Variants in PDE4D observed in about 807,000 individuals in gnomAD.
PDE4D encodes the protein phosphodiesterase 4D, also known as 3',5'-cyclic-AMP phosphodiesterase 4D.
A neutral mutation model predicts 87.4 loss-of-function variants in PDE4D; 24 were observed. The ratio of observed to expected loss-of-function variants is 0.27; its 90% CI spans 0.20 to 0.39. The LOEUF is 0.39. Ranked by LOEUF, PDE4D falls within the 10% of genes least tolerant of loss-of-function variation. The pLI, the probability that PDE4D is intolerant of heterozygous loss-of-function variation, is 1.00. For missense variants in PDE4D, 714 were observed against 1,041.0 expected (o/e 0.69, Z 4.32); for synonymous variants, 384 against 383.2 (o/e 1.00, Z -0.02).
chr5:59,035,546 A>G (rs1180870291), intron 6 of PDE4D, among the ~76,000 whole-genome samples: 2 of 152,206 alleles, frequency 1.3e-5, no homozygotes, highest in Non-Finnish European at 2.9e-5. Flanking sequence ...AATAATAGCA[A>G]TAACAACAGA....
chr5:59,200,078 C>CACATGTATGTAG (rs1561688475), intron 2 of PDE4D, among the ~76,000 whole-genome samples: 1 of 150,144 alleles, frequency 6.7e-6, no homozygotes, highest in African/African-American at 2.5e-5. Flanking sequence ...CACGTATGCA[C>CACATGTATGTAG]ACATACATGT....
intron 1 of PDE4D, among the ~76,000 whole-genome samples, chr5:60,444,871 T>C (rs541005147): frequency 2.0e-5 from 3 of 148,648 alleles, no homozygotes; most frequent in Middle Eastern, 3.4e-3. Context: ...TTTGGAGTCA[T>C]GGCTCTTTCA....
At chr5:59,463,773 A>G (rs1472644301) in intron 1 of PDE4D, among the ~76,000 whole-genome samples, 1 of 152,210 alleles carries the variant, frequency 6.6e-6, no homozygotes, top group Non-Finnish European at 1.5e-5. Context: ...TTAGAATATT[A>G]AAAGATCTCG....
intron 3 of PDE4D, among the ~76,000 whole-genome samples, chr5:59,192,392 G>C (rs1191922298): frequency 1.3e-5 from 2 of 152,084 alleles, no homozygotes; most frequent in Non-Finnish European, 2.9e-5. Context: ...GGTACTCTTG[G>C]AACTGTTATT....
intron 1 of PDE4D, among the ~76,000 whole-genome samples, chr5:59,717,745 T>C (rs1293541227): frequency 6.6e-6 from 1 of 152,186 alleles, no homozygotes; most frequent in Non-Finnish European, 1.5e-5. Flanking sequence ...GACAAGCCCT[T>C]GACAAAACAA....
intron 1 of PDE4D, among the ~76,000 whole-genome samples, chr5:59,553,470 G>T (rs1412038768): frequency 6.6e-6 from 1 of 152,064 alleles, no homozygotes; most frequent in Non-Finnish European, 1.5e-5. Flanking sequence ...AGTGAGCAGG[G>T]CTCCCCTTCC....
chr5:59,539,494 T>C (rs1815906185), intron 1 of PDE4D, among the ~76,000 whole-genome samples: 1 of 152,186 alleles, frequency 6.6e-6, no homozygotes, highest in African/African-American at 2.4e-5. Context: ...AAATTACTAA[T>C]ATCTGTCTAC....
chr5:59,141,525 C>T (rs1777884190), intron 5 of PDE4D, among the ~76,000 whole-genome samples: 1 of 152,108 alleles, frequency 6.6e-6, no homozygotes, highest in African/African-American at 2.4e-5. Flanking sequence ...TGGTTAAGAG[C>T]CAACCAGGTG....
rs550889708 is a variant in PDE4D, at chr5:60,397,125, T to A, written c.-90+90817A>T. On this transcript the variant is annotated intron_variant, in intron 1 of 16. Transcript: ENST00000502484. The stretch of plus-strand genomic sequence containing the variant: ...CTCATATCTGTTAAAACAGCTATCA[T>A]CAAAAGACAAAAGTTAGCAAGTGTT... 8.4e-4 allele frequency among the ~76,000 whole-genome samples: 128 copies of A among 152,230 alleles called. 2 individuals carry two copies. In the South Asian group the frequency reaches 0.026, roughly 30 times the overall value.
intron 1 of PDE4D, among the ~76,000 whole-genome samples, chr5:59,697,755 G>C (rs1751990734): frequency 6.6e-6 from 1 of 152,176 alleles, no homozygotes; most frequent in South Asian, 2.1e-4. Flanking sequence ...TTGTTATTAT[G>C]TACTTGCTAA....
At chr5:59,675,592 T>C (rs997688814) in intron 1 of PDE4D, among the ~76,000 whole-genome samples, 4 of 152,238 alleles carry the variant, frequency 2.6e-5, no homozygotes, top group Non-Finnish European at 5.9e-5. Context: ...TTTATGTGAA[T>C]GTGGAGATGC....
intron 1 of PDE4D, among the ~76,000 whole-genome samples, chr5:59,617,885 C>T (rs1829895948): frequency 6.6e-6 from 1 of 152,226 alleles, no homozygotes; most frequent in Non-Finnish European, 1.5e-5. Context: ...TCAACTCCTA[C>T]CATACCAATG....
chr5:59,344,284 G>A (rs1016384859), intron 1 of PDE4D, among the ~76,000 whole-genome samples: 1 of 152,164 alleles, frequency 6.6e-6, no homozygotes, highest in Non-Finnish European at 1.5e-5. Flanking sequence ...AAAGTTTACT[G>A]TCATAATGGT....
chr5:59,290,425 C>G (rs967314911), intron 1 of PDE4D, among the ~76,000 whole-genome samples: 4 of 151,954 alleles, frequency 2.6e-5, no homozygotes, highest in Admixed American at 6.6e-5. Context: ...AAAATCAAGT[C>G]AAAATGGATG....
At chr5:59,841,069 G>A (rs993382802) in intron 1 of PDE4D, among the ~76,000 whole-genome samples, 9 of 152,048 alleles carry the variant, frequency 5.9e-5, no homozygotes, top group Admixed American at 5.2e-4. Context: ...CATAGAGTGT[G>A]GGAATGCTAA....
intron 1 of PDE4D, among the ~76,000 whole-genome samples, chr5:60,517,750 G>A (rs749690696): frequency 2.0e-5 from 3 of 152,210 alleles, no homozygotes; most frequent in Non-Finnish European, 2.9e-5. Context: ...GCTCAATAAA[G>A]TTCCTCTCTG....
chr5:59,771,361 G>C (rs1763416253), intron 1 of PDE4D, among the ~76,000 whole-genome samples: 2 of 147,752 alleles, frequency 1.4e-5, no homozygotes. Context: ...AGTAAAGGAA[G>C]AGATTATACT....
intron 1 of PDE4D, among the ~76,000 whole-genome samples, chr5:60,193,394 G>T (rs1394232423): frequency 1.3e-5 from 2 of 152,066 alleles, no homozygotes; most frequent in East Asian, 3.9e-4. Context: ...TCACAGGCCG[G>T]GCGCAGTGGC....
chr5:60,076,942 C>T lies in PDE4D; in HGVS notation c.43-88225G>A, dbSNP rs577901112. 2.7e-3 allele frequency among the ~76,000 whole-genome samples: 404 copies of T among 152,224 alleles called. 2 individuals carry two copies. Among genetic ancestry groups the T allele is most frequent in the African/African-American group, 9.3e-3 (386 of 41,544 alleles). On this transcript the variant is annotated intron_variant, in intron 2 of 16. Coordinates refer to the PDE4D transcript ENST00000502484. ...GCCACATGGCGACATGGCTTGGGGGCGGGGACCCCCACCAGTGACTGTGTG... is the reference window on the plus strand; with the variant it reads ...GCCACATGGCGACATGGCTTGGGGGTGGGGACCCCCACCAGTGACTGTGTG...
Sources: allele counts gnomAD v4.1 joint callset (sites outside exome capture counted in the v4.1 genomes callset), GRCh38; gene constraint gnomAD v4.1.1; transcripts MANE v1.5; gene names NCBI Gene and HGNC (gene_info 2026-07-23, HGNC 2026-07-21).